UVRAG: variants seen among roughly 807,000 people sequenced by gnomAD.
UVRAG encodes the protein UV radiation resistance-associated gene protein.
UVRAG carries 19 observed loss-of-function variants against 78.0 expected under a neutral mutation model. The observed-to-expected ratio is 0.24, with a 90% CI of 0.17 to 0.36. UVRAG has a LOEUF of 0.36. Ranked by LOEUF, UVRAG falls within the 10% of genes least tolerant of loss-of-function variation. The pLI, the probability that UVRAG is intolerant of heterozygous loss-of-function variation, is 1.00. For synonymous variants in UVRAG, 323 were observed against 324.6 expected, an observed-to-expected ratio of 1.00 and a Z score of 0.05; for missense variants, 740 against 853.8, an observed-to-expected ratio of 0.87 and a Z score of 1.66.
chr11:76,123,504 C>T (rs1404840031), intron 14 of UVRAG, among the ~76,000 whole-genome samples: 2 of 152,154 alleles, frequency 1.3e-5, no homozygotes, highest in East Asian at 1.9e-4. Flanking sequence ...ATGGCATGCT[C>T]TTTTTTTCTG....
At chr11:75,953,184 C>T (rs1948734078) in intron 6 of UVRAG, among the ~76,000 whole-genome samples, 1 of 152,068 alleles carries the variant, frequency 6.6e-6, no homozygotes, top group Non-Finnish European at 1.5e-5. Context: ...CACCATCTTT[C>T]CTGTCACTAT....
intron 7 of UVRAG, among the ~76,000 whole-genome samples, chr11:75,970,535 A>G (rs754339583): frequency 1.3e-5 from 2 of 152,134 alleles, no homozygotes; most frequent in Non-Finnish European, 2.9e-5. Flanking sequence ...GATCAAGACC[A>G]TCCTGGCTAA....
intron 8 of UVRAG, among the ~76,000 whole-genome samples, chr11:75,993,333 C>T (rs538847032): frequency 2.6e-5 from 4 of 152,294 alleles, no homozygotes; most frequent in South Asian, 4.1e-4. Context: ...CACACTCATA[C>T]GTTTTCCCTT....
intron 13 of UVRAG, among the ~76,000 whole-genome samples, chr11:76,106,241 A>C (rs1951966701): frequency 6.6e-6 from 1 of 151,940 alleles, no homozygotes; most frequent in African/African-American, 2.4e-5. Context: ...CAGGCTAAAT[A>C]CTCTATGATT....
rs146067380 is a variant in UVRAG, at chr11:76,126,143, A to G, written c.1397+10128A>G. On this transcript the variant is annotated intron_variant, in intron 14 of 14. Coordinates refer to ENST00000356136, the MANE Select transcript of UVRAG (RefSeq NM_003369.4). ...TTTTTAGTAGAGACGGGGTTTCACC[A>G]TGTTAGCCAGGATGGTCTCGATCTC... Among the ~76,000 whole-genome samples the G allele has an allele frequency of 7.1e-4, 108 of 151,906 alleles. No homozygotes were observed. The South Asian group carries it at 9.1e-3, about 13-fold the overall frequency.
intron 4 of UVRAG, among the ~76,000 whole-genome samples, chr11:75,880,419 T>C (rs1281194293): frequency 1.3e-5 from 2 of 152,170 alleles, no homozygotes; most frequent in Non-Finnish European, 2.9e-5. Context: ...ATACCTCTCT[T>C]TTGACCAGTA....
At chr11:75,908,712 C>CT (rs1024795820) in intron 5 of UVRAG, among the ~76,000 whole-genome samples, 1,758 of 45,488 alleles carry the variant, frequency 0.039, 282 homozygotes, top group Non-Finnish European at 0.054. Context: ...TGGTTCTGGG[C>CT]TTTTTTTTTT....
intron 8 of UVRAG, 24 bp downstream of exon 8, chr11:75,983,537 A>C: frequency 6.5e-7 from 1 of 1,538,702 alleles, no homozygotes; most frequent in South Asian, 1.3e-5. Context: ...CCATACAAAC[A>C]GCCTAACCTC....
chr11:75,890,616 C>A (rs1000167494), intron 5 of UVRAG, among the ~76,000 whole-genome samples: 1 of 152,118 alleles, frequency 6.6e-6, no homozygotes, highest in Non-Finnish European at 1.5e-5. Context: ...GCCTTTGAGA[C>A]ATTCATGTGT....
chr11:76,047,604 C>T (rs367721936), intron 12 of UVRAG, among the ~76,000 whole-genome samples: 32 of 152,140 alleles, frequency 2.1e-4, no homozygotes, highest in Admixed American at 7.8e-4. Flanking sequence ...TGTAGATTCC[C>T]GAATATAAAG....
At chr11:75,818,593 C>G (rs1286732101) in intron 1 of UVRAG, among the ~76,000 whole-genome samples, 1 of 151,822 alleles carries the variant, frequency 6.6e-6, no homozygotes, top group Non-Finnish European at 1.5e-5. Flanking sequence ...ATTCTCCTGC[C>G]TCACCCTCCC....
At chr11:76,111,226 A>G (rs1952061774) in intron 13 of UVRAG, among the ~76,000 whole-genome samples, 1 of 152,250 alleles carries the variant, frequency 6.6e-6, no homozygotes, top group African/African-American at 2.4e-5. Context: ...AGAAAACTTC[A>G]AATAAACGAA....
intron 13 of UVRAG, among the ~76,000 whole-genome samples, chr11:76,092,398 T>C (rs1449696314): frequency 2.0e-5 from 3 of 152,170 alleles, no homozygotes; most frequent in Non-Finnish European, 2.9e-5. Context: ...TTCTAGATCC[T>C]TGAGGAATCG....
At chr11:76,119,906 A>G (rs1028822725) in intron 14 of UVRAG, among the ~76,000 whole-genome samples, 3 of 152,170 alleles carry the variant, frequency 2.0e-5, no homozygotes, top group Non-Finnish European at 4.4e-5. Flanking sequence ...GTTTTCTTCC[A>G]TAGTCTACTT....
At position 75,911,970 on chromosome 11, in the gene UVRAG, A is replaced by G. The variant is rs781375334; in HGVS notation, c.524A>G (p.Gln175Arg). 4 of 1,612,336 alleles carry G rather than the reference A, an allele frequency of 2.5e-6. No individual in the cohort carries two copies. The highest frequency in any genetic ancestry group is 2.5e-6 in the Non-Finnish European group (3 of 1,178,814). The change falls in exon 6 of 15, where the codon CAG becomes CGG. Residue 175 changes from glutamine (Q) to arginine (R), a missense_variant. Physicochemically the swap from Gln to Arg is conservative, Grantham distance 43. Coordinates refer to ENST00000356136, the MANE Select transcript of UVRAG (RefSeq NM_003369.4). ...GTCTTTCAGGGTTATTCAAATGCTCAGAAGACTATTCTTCTGCAGGTGGAT... is the reference window on the plus strand; with the variant it reads ...GTCTTTCAGGGTTATTCAAATGCTCGGAAGACTATTCTTCTGCAGGTGGAT... ...PFEHKGYSNA[Q>R]KTILLQVDQN...
chr11:76,056,549 C>A (rs981805209), intron 12 of UVRAG, among the ~76,000 whole-genome samples: 3 of 152,154 alleles, frequency 2.0e-5, no homozygotes, highest in Non-Finnish European at 4.4e-5. Context: ...TTTTTCCTTG[C>A]ATTTTTTTCC....
At chr11:76,048,980 C>T (rs771594832) in intron 12 of UVRAG, among the ~76,000 whole-genome samples, 5 of 152,212 alleles carry the variant, frequency 3.3e-5, no homozygotes, top group East Asian at 1.9e-4. Flanking sequence ...CATGACTCAG[C>T]GGGATTGGGG....
chr11:76,082,407 T>C lies in UVRAG; in HGVS notation c.1305+16619T>C, dbSNP rs1010370521. Among the ~76,000 whole-genome samples the C allele has an allele frequency of 1.5e-4, 22 of 151,006 alleles. No homozygotes were observed. In the East Asian group the frequency reaches 4.3e-3, roughly 29 times the overall value. On this transcript the variant is annotated intron_variant, in intron 13 of 14. Coordinates refer to ENST00000356136, the MANE Select transcript of UVRAG (RefSeq NM_003369.4). ...TACAAAAAATTAGCCAGGCGTGGTG[T>C]CGGGCGCCTGTAATCCCAGCTACTC...
chr11:75,952,400 T>C (rs1344853164), intron 6 of UVRAG, among the ~76,000 whole-genome samples: 1 of 152,020 alleles, frequency 6.6e-6, no homozygotes, highest in Non-Finnish European at 1.5e-5. Context: ...CTATAAACCT[T>C]TTATCAGATT....
Sources: gnomAD v4.1 joint callset for allele counts (sites outside exome capture counted in the v4.1 genomes callset) on GRCh38, gnomAD v4.1.1 for gene constraint, MANE v1.5 for transcripts, NCBI Gene and HGNC (gene_info 2026-07-23, HGNC 2026-07-21) for gene names.